Variants in CACNA2D1 observed in about 807,000 individuals in gnomAD.
CACNA2D1 encodes voltage-dependent calcium channel subunit alpha-2/delta-1.
Under a neutral mutation model 171.5 loss-of-function variants are expected in CACNA2D1, and 53 were observed. That is an observed-to-expected ratio of 0.31 (90% CI 0.25 to 0.39). CACNA2D1 has a LOEUF of 0.39. CACNA2D1 is among the 10% of genes least tolerant of loss of function. CACNA2D1 has a pLI of 1.00. For synonymous variants in CACNA2D1, 442 were observed against 443.1 expected (o/e 1.00, Z 0.03); for missense variants, 903 against 1,299.8 (o/e 0.69, Z 4.69).
intron 38 of CACNA2D1, among the ~76,000 whole-genome samples, chr7:81,955,021 G>T (rs1793057561): frequency 1.3e-5 from 2 of 152,114 alleles, no homozygotes; most frequent in African/African-American, 4.8e-5. Context: ...TATAAATTGG[G>T]TTTGCATAAA....
intron 6 of CACNA2D1, among the ~76,000 whole-genome samples, chr7:82,112,910 TG>T (rs1224193036): frequency 1.3e-5 from 2 of 152,196 alleles, no homozygotes; most frequent in Non-Finnish European, 2.9e-5. Flanking sequence ...ACAAGGATAA[TG>T]TCAGTGATTA....
At chr7:81,952,728 C>A (rs559694542) in intron 38 of CACNA2D1, among the ~76,000 whole-genome samples, 1 of 152,028 alleles carries the variant, frequency 6.6e-6, no homozygotes, top group Non-Finnish European at 1.5e-5. Context: ...TCTTCTTCTT[C>A]CTTTACACTT....
chr7:82,001,281 A>G (rs1391755590), intron 18 of CACNA2D1, among the ~76,000 whole-genome samples: 5 of 152,174 alleles, frequency 3.3e-5, no homozygotes, highest in Non-Finnish European at 7.3e-5. Flanking sequence ...GGAAACTGTC[A>G]TATAGGAATT....
chr7:82,325,467 C>T (rs1816534160), intron 3 of CACNA2D1, among the ~76,000 whole-genome samples: 1 of 147,808 alleles, frequency 6.8e-6, no homozygotes, highest in African/African-American at 2.4e-5. Flanking sequence ...ATTAATATGG[C>T]TTTTTTAGTT....
intron 6 of CACNA2D1, among the ~76,000 whole-genome samples, chr7:82,110,351 C>T (rs2129046918): frequency 6.6e-6 from 1 of 152,200 alleles, no homozygotes; most frequent in South Asian, 2.1e-4. Flanking sequence ...GAGAAAAGAG[C>T]TTGCTCGCTC....
intron 10 of CACNA2D1, chr7:82,050,570 T>C (rs977086008): frequency 1.3e-5 from 9 of 702,688 alleles, no homozygotes; most frequent in African/African-American, 1.0e-4. Flanking sequence ...AGAGACACAA[T>C]AGTTTAATTA....
chr7:82,443,385 C>G lies in CACNA2D1; in HGVS notation c.75G>C (p.Glu25Asp). The change falls in exon 1 of 39, where the codon GAG (glutamate) becomes GAC (aspartate). Residue 25 changes from glutamate (E) to aspartate (D), a missense_variant. Physicochemically the swap from Glu to Asp is conservative, Grantham distance 45. This residue lies in a region of CACNA2D1 where 41 missense variants were observed against 27.6 expected (regional missense o/e 1.49). Coordinates refer to ENST00000356860, the MANE Select transcript of CACNA2D1 (RefSeq NM_000722.4). ...CTTACGTGACGGCCGAAGGGAACGG[C>G]TCCTCCGACGAGGGGCCGATGAGCA... ...QSLLIGPSSE[E>D]PFPSAVTIKS... is the part of the protein sequence containing the mutation. 3 of 1,604,510 alleles carry G rather than the reference C, an allele frequency of 1.9e-6. No individual in the cohort carries two copies. Among genetic ancestry groups the G allele is most frequent in the Non-Finnish European group, 2.6e-6 (3 of 1,175,526 alleles).
intron 3 of CACNA2D1, among the ~76,000 whole-genome samples, chr7:82,313,903 T>C (rs1241652328): frequency 6.6e-6 from 1 of 152,164 alleles, no homozygotes; most frequent in African/African-American, 2.4e-5. Context: ...TTAAAATATA[T>C]TACTCCAAAA....
At chr7:82,299,241 T>G (rs1812698032) in intron 3 of CACNA2D1, among the ~76,000 whole-genome samples, 1 of 152,118 alleles carries the variant, frequency 6.6e-6, no homozygotes, top group South Asian at 2.1e-4. Flanking sequence ...TTTTTTTGTT[T>G]GTTTTGGGGG....
intron 4 of CACNA2D1, among the ~76,000 whole-genome samples, chr7:82,139,385 A>T (rs1792088577): frequency 6.6e-6 from 1 of 152,216 alleles, no homozygotes; most frequent in African/African-American, 2.4e-5. Context: ...GCTATGCATG[A>T]AACTAAAATT....
intron 3 of CACNA2D1, among the ~76,000 whole-genome samples, chr7:82,280,725 A>C (rs1294194445): frequency 6.6e-6 from 1 of 152,114 alleles, no homozygotes; most frequent in Non-Finnish European, 1.5e-5. Context: ...TTTGATGCCC[A>C]GGCTGGAATG....
chr7:82,009,599 T>C (rs1799519946), intron 15 of CACNA2D1, among the ~76,000 whole-genome samples: 1 of 152,110 alleles, frequency 6.6e-6, no homozygotes, highest in African/African-American at 2.4e-5. Context: ...ATGGATGTAA[T>C]CATTTCCTTT....
At chr7:82,104,094 C>T (rs2129039804) in intron 6 of CACNA2D1, among the ~76,000 whole-genome samples, 1 of 151,900 alleles carries the variant, frequency 6.6e-6, no homozygotes, top group South Asian at 2.1e-4. Context: ...AATATTTGTG[C>T]TAAAAGAACC....
At chr7:82,409,524 A>G (rs1827417695) in intron 1 of CACNA2D1, among the ~76,000 whole-genome samples, 2 of 152,208 alleles carry the variant, frequency 1.3e-5, no homozygotes, top group South Asian at 4.1e-4. Flanking sequence ...TTGGCTACAC[A>G]CTAAAATCAT....
intron 4 of CACNA2D1, among the ~76,000 whole-genome samples, chr7:82,140,991 C>T (rs888967144): frequency 6.5e-5 from 9 of 138,236 alleles, no homozygotes; most frequent in South Asian, 2.3e-4. Context: ...TGCAATTATT[C>T]GTTTGTGATT....
At chr7:82,304,362 A>G (rs956276536) in intron 3 of CACNA2D1, among the ~76,000 whole-genome samples, 3 of 151,972 alleles carry the variant, frequency 2.0e-5, no homozygotes, top group Admixed American at 6.6e-5. Flanking sequence ...AAAAAAAAAA[A>G]AAAGAAAATC....
At chr7:81,961,560 T>C (rs916546177) in intron 36 of CACNA2D1, among the ~76,000 whole-genome samples, 1 of 151,626 alleles carries the variant, frequency 6.6e-6, no homozygotes, top group East Asian at 1.9e-4. Flanking sequence ...ATTTTTAATA[T>C]GGGTTATTTT....
In CACNA2D1 at chr7:82,037,987, A is replaced by G; in HGVS notation, c.1038+90T>C. On this transcript the variant is annotated intron_variant, in intron 11 of 38. Coordinates refer to ENST00000356860, the MANE Select transcript of CACNA2D1 (RefSeq NM_000722.4). ...AAATAAATGAAAAACAGCACTATCT[A>G]ATCCCAGAGAGTAGTAACTATCAGA... 5.6e-6 allele frequency: 7 copies of G among 1,255,756 alleles called. No individual in the cohort carries two copies. The South Asian group carries it at 8.4e-5, about 15-fold the overall frequency. 77.8% of individuals were successfully genotyped at this position (1,255,756 alleles called of 1,614,324 possible).
chr7:82,067,187 T>C (rs1287822028), intron 7 of CACNA2D1, among the ~76,000 whole-genome samples: 1 of 152,200 alleles, frequency 6.6e-6, no homozygotes, highest in Non-Finnish European at 1.5e-5. Flanking sequence ...TTTAAATCTA[T>C]TCTAATTAAA....
Sources: gnomAD v4.1 joint callset for allele counts (sites outside exome capture counted in the v4.1 genomes callset) on GRCh38, gnomAD v4.1.1 for gene constraint, gnomAD v4.1.1 regional missense constraint, MANE v1.5 for transcripts, NCBI Gene and HGNC (gene_info 2026-07-23, HGNC 2026-07-21) for gene names.